Variants in GBF1 observed in about 807,000 individuals in gnomAD.
The protein encoded by GBF1 is Golgi-specific brefeldin A-resistance guanine nucleotide exchange factor 1.
A neutral mutation model predicts 210.5 loss-of-function variants in GBF1; 114 were observed. The ratio of observed to expected loss-of-function variants is 0.54; its 90% CI spans 0.47 to 0.63. The LOEUF is 0.63. Among genes scored for constraint, GBF1 ranks in the 30% least tolerant of loss-of-function variants. The probability of loss-of-function intolerance (pLI) is 0.00; values close to 1 mark genes in which losing one functional copy is unlikely to be tolerated. For missense variants in GBF1, 1,851 were observed against 2,357.7 expected (o/e 0.79, Z 4.45); for synonymous variants, 850 against 889.2 (o/e 0.96, Z 0.78).
chr10:102,314,041 A>G (rs940314352), intron 3 of GBF1, among the ~76,000 whole-genome samples: 1 of 152,156 alleles, frequency 6.6e-6, no homozygotes, highest in African/African-American at 2.4e-5. Context: ...AGTTCTGTGC[A>G]TGTAAAGTCA....
Position 102,375,445 on chromosome 10 carries a change from A to T in GBF1, c.3747A>T (p.Glu1249Asp). The T allele has an allele frequency of 6.2e-7, 1 of 1,612,942 alleles. No individual in the cohort carries two copies. ...VSHQVAYGLH[E>D]LLKTNAANIH... ...ACCAGGTTGCGTATGGGCTCCATGA[A>T]CTCCTGAAGACCAATGCAGCCAACA... is the stretch of plus-strand genomic sequence containing the variant. Residue 1249 changes from glutamate (E) to aspartate (D), a missense_variant, in exon 30 of 40, where the codon GAA (glutamate) becomes GAT (aspartate). Glu to Asp is a conservative substitution (Grantham distance 45, BLOSUM62 2). Around this residue, in one of 3 missense-constraint regions of GBF1, gnomAD observed 967 missense variants for 1,247.7 expected, o/e 0.78. Transcript: ENST00000369983.
At chr10:102,272,016 G>T (rs984359856) in intron 3 of GBF1, among the ~76,000 whole-genome samples, 2 of 152,050 alleles carry the variant, frequency 1.3e-5, no homozygotes, top group African/African-American at 4.8e-5. Flanking sequence ...GCCTACCAAG[G>T]TACAGGGATT....
At chr10:102,249,577 A>G (rs760523753) in intron 1 of GBF1, among the ~76,000 whole-genome samples, 22 of 152,104 alleles carry the variant, frequency 1.4e-4, no homozygotes, top group Non-Finnish European at 2.4e-4. Flanking sequence ...TGAGCTCAGT[A>G]AGTTGTTTCC....
At chr10:102,303,816 T>C (rs1269850621) in intron 3 of GBF1, among the ~76,000 whole-genome samples, 3 of 152,202 alleles carry the variant, frequency 2.0e-5, no homozygotes, top group African/African-American at 7.2e-5. Flanking sequence ...TACTTACTTT[T>C]TCAAAAATTT....
At chr10:102,312,800 C>T (rs2078589376) in intron 3 of GBF1, among the ~76,000 whole-genome samples, 1 of 152,144 alleles carries the variant, frequency 6.6e-6, no homozygotes, top group Non-Finnish European at 1.5e-5. Context: ...AGAAACAGAT[C>T]TTCCAGTGAA....
chr10:102,315,242 A>T (rs1424038802), intron 3 of GBF1, among the ~76,000 whole-genome samples: 1 of 152,064 alleles, frequency 6.6e-6, no homozygotes, highest in East Asian at 1.9e-4. Context: ...GGGGTCCCCA[A>T]CCCCCTGGCC....
At chr10:102,377,831 T>C (rs796419349) in intron 33 of GBF1, among the ~76,000 whole-genome samples, 7 of 152,284 alleles carry the variant, frequency 4.6e-5, no homozygotes, top group African/African-American at 1.7e-4. Flanking sequence ...TTACCCTGTG[T>C]CTATTCAAAG....
chr10:102,299,070 C>T (rs2077130350), intron 3 of GBF1, among the ~76,000 whole-genome samples: 2 of 152,270 alleles, frequency 1.3e-5, no homozygotes, highest in Non-Finnish European at 2.9e-5. Context: ...GAATACTGGC[C>T]TCACCTTGAT....
chr10:102,278,347 G>A lies in GBF1; in HGVS notation c.163+18231G>A, dbSNP rs904102349. ...GTTTACAGAGTCTGGTGGTGGGATC[G>A]TAGCTTACTGCAGCCTAGAACTCCC... On this transcript the variant is annotated intron_variant, in intron 3 of 39. Transcript: ENST00000369983. Among the ~76,000 whole-genome samples the A allele has an allele frequency of 5.3e-5, 8 of 151,464 alleles. No individual in the cohort carries two copies. The South Asian group carries it at 6.3e-4, about 12-fold the overall frequency.
At chr10:102,367,375 TC>T (rs2059971389) in intron 20 of GBF1, 102 bp from the exon 21 acceptor site, 1 of 1,138,116 alleles carries the variant, frequency 8.8e-7, no homozygotes, top group African/African-American at 1.5e-5. Context: ...GTGGGTTTTT[TC>T]GCTTACCTTT....
At chr10:102,238,203 G>T in the GBF1 span, among the ~76,000 whole-genome samples, 1 of 152,090 alleles carries the variant, frequency 6.6e-6, no homozygotes, top group Non-Finnish European at 1.5e-5. Context: ...CAGTGGCCAT[G>T]GACACCCTAG....
At chr10:102,355,875 C>G (rs1159169008) in intron 8 of GBF1, among the ~76,000 whole-genome samples, 1 of 152,204 alleles carries the variant, frequency 6.6e-6, no homozygotes, top group Non-Finnish European at 1.5e-5. Context: ...GTTTGGCGGA[C>G]TCTTCTCCCA....
At chr10:102,235,000 C>T in the GBF1 span, among the ~76,000 whole-genome samples, 1 of 152,274 alleles carries the variant, frequency 6.6e-6, no homozygotes, top group African/African-American at 2.4e-5. Flanking sequence ...CAGGCCCCCA[C>T]TCAGACATAA....
rs200375445 is a variant in GBF1 at position 102,382,146 on chromosome 10, C to T, written c.5393C>T (p.Pro1798Leu). The T allele has an allele frequency of 2.4e-5, 39 of 1,612,152 alleles. No homozygotes were observed. The African/African-American group carries it at 4.4e-4, about 18-fold the overall frequency. ...ASSPSRLSPT[P>L]DGPPPLAQPP... Reference sequence around the variant, plus strand: ...AGCCCCAGCAGGCTGAGCCCCACCCCCGACGGGCCTCCACCCTTGGCTCAG... The same window carrying T: ...AGCCCCAGCAGGCTGAGCCCCACCCTCGACGGGCCTCCACCCTTGGCTCAG... The change falls in exon 40 of 40, where the codon CCC becomes CTC. Residue 1798 changes from proline to leucine, a missense_variant. Coordinates refer to ENST00000369983, the MANE Select transcript of GBF1 (RefSeq NM_001377137.1).
At chr10:102,346,261 A>G (rs886236427) in intron 4 of GBF1, among the ~76,000 whole-genome samples, 2 of 152,072 alleles carry the variant, frequency 1.3e-5, no homozygotes, top group Non-Finnish European at 2.9e-5. Context: ...GATTATAGGC[A>G]TGAGCCACCA....
rs779823710 is a variant in GBF1 at position 102,363,342 on chromosome 10, C to G, written c.1963C>G (p.Pro655Ala). Residue 655 changes from proline to alanine, a missense_variant, in exon 16 of 40, where the codon CCA becomes GCA. Around this residue, in one of 3 missense-constraint regions of GBF1, gnomAD observed 804 missense variants for 958.6 expected, o/e 0.84. Transcript: ENST00000369983. This position sits in a 1 kb window ranked among gnomAD's most constrained non-coding sequence, Gnocchi z 4.2. ...TCTGCCAGGTGGAGGGCGGCTGCCA[C>G]CAGAACATGGGAAATCAGGATGCAG... ...LHLPGGGRLP[P>A]EHGKSGCSDL... 18 of 1,613,968 alleles carry G rather than the reference C, an allele frequency of 1.1e-5. No homozygotes were observed. In the South Asian group the frequency reaches 1.6e-4, roughly 15 times the overall value.
chr10:102,299,883 A>G (rs1158738671), intron 3 of GBF1, among the ~76,000 whole-genome samples: 1 of 152,192 alleles, frequency 6.6e-6, no homozygotes, highest in Non-Finnish European at 1.5e-5. Flanking sequence ...ATACTAAATT[A>G]TTTTTATTAT....
the GBF1 span, chr10:102,231,855 A>G: frequency 6.3e-7 from 1 of 1,576,800 alleles, no homozygotes; most frequent in Non-Finnish European, 8.6e-7. Context: ...CGGCTCGGGG[A>G]CCTCCTAAGC....
chr10:102,337,702 T>C (rs573707378), intron 3 of GBF1, among the ~76,000 whole-genome samples: 5 of 151,670 alleles, frequency 3.3e-5, no homozygotes, highest in African/African-American at 9.7e-5. Flanking sequence ...ACTAAAAATA[T>C]AAAAATTAGC....
Sources: gnomAD v4.1 joint callset for allele counts (sites outside exome capture counted in the v4.1 genomes callset) on GRCh38, gnomAD v4.1.1 for gene constraint, gnomAD v4.1.1 regional missense constraint, Gnocchi (gnomAD v3.1) non-coding constraint, MANE v1.5 for transcripts, NCBI Gene and HGNC (gene_info 2026-07-23, HGNC 2026-07-21) for gene names.